AK9: variants seen among roughly 807,000 people sequenced by gnomAD.
AK9 encodes the protein adenylate kinase domain containing 1.
In AK9, 191 loss-of-function variants were observed where a neutral mutation model predicts 239.6. That is an observed-to-expected ratio of 0.80 (90% CI 0.71 to 0.90). AK9 has a LOEUF of 0.90. Ranked by LOEUF, AK9 falls within the 40% of genes least tolerant of loss-of-function variation. The probability of loss-of-function intolerance (pLI) is 0.00; values close to 1 mark genes in which losing one functional copy is unlikely to be tolerated. For missense variants in AK9, 1,995 were observed against 2,214.7 expected, an observed-to-expected ratio of 0.90 and a Z score of 1.99; for synonymous variants, 689 against 721.0, an observed-to-expected ratio of 0.96 and a Z score of 0.71.
At chr6:109,599,436 A>G (rs1304040928) in intron 17 of AK9, among the ~76,000 whole-genome samples, 4 of 152,046 alleles carry the variant, frequency 2.6e-5, no homozygotes, top group African/African-American at 4.8e-5. Context: ...TGGTCTATGT[A>G]TCTGTTTGGG....
intron 12 of AK9, chr6:109,632,332 T>G (rs964668747): frequency 1.0e-6 from 1 of 984,876 alleles, no homozygotes; most frequent in African/African-American, 1.7e-5. Flanking sequence ...TCAAGCCACA[T>G]TGCCCCTTCT....
intron 17 of AK9, among the ~76,000 whole-genome samples, chr6:109,597,107 C>T (rs182667793): frequency 9.1e-4 from 139 of 152,006 alleles, no homozygotes; most frequent in Non-Finnish European, 1.3e-3. Context: ...AAATCTTTGT[C>T]CAAATATTAT....
At chr6:109,557,950 G>A (rs933135397) in intron 24 of AK9, among the ~76,000 whole-genome samples, 9 of 152,250 alleles carry the variant, frequency 5.9e-5, no homozygotes, top group Admixed American at 5.9e-4. Context: ...ATCTAATAGT[G>A]TCTCATTGTG....
intron 7 of AK9, among the ~76,000 whole-genome samples, chr6:109,658,397 T>C (rs1004637942): frequency 6.6e-6 from 1 of 152,134 alleles, no homozygotes; most frequent in Non-Finnish European, 1.5e-5. Flanking sequence ...GGCAGACAGA[T>C]AATAAGCAAG....
Position 109,662,616 on chromosome 6 carries a change from T to A in AK9, c.379A>T (p.Thr127Ser). Residue 127 changes from threonine (T) to serine (S), a missense_variant, in exon 6 of 41, where the codon ACC (threonine) becomes TCC (serine). By Grantham distance (58) the Thr-to-Ser change is moderately conservative. Coordinates refer to ENST00000424296, the MANE Select transcript of AK9 (RefSeq NM_001145128.3). Reference protein sequence around the residue: ...IPSLSQDAMTTLQQIELIKNL... With the variant: ...IPSLSQDAMTSLQQIELIKNL... ...TTAATTAATTCTATTTGCTGTAAGGTAGTCATGGCATCCTGTGAAAGTGAT... is the reference window on the plus strand; with the variant it reads ...TTAATTAATTCTATTTGCTGTAAGGAAGTCATGGCATCCTGTGAAAGTGAT... The A allele has an allele frequency of 6.3e-7, 1 of 1,586,648 alleles. No homozygotes were observed.
chr6:109,688,736 A>G (rs542203076), intron 1 of AK9, among the ~76,000 whole-genome samples: 1 of 152,302 alleles, frequency 6.6e-6, no homozygotes, highest in East Asian at 1.9e-4. Flanking sequence ...GGGACCCAGT[A>G]AAGGTTTCAT....
chr6:109,658,959 C>T (rs1007301712), intron 7 of AK9, among the ~76,000 whole-genome samples: 7 of 152,078 alleles, frequency 4.6e-5, no homozygotes, highest in African/African-American at 1.7e-4. Flanking sequence ...CCAATAACTC[C>T]ATAGTTATGA....
intron 9 of AK9, among the ~76,000 whole-genome samples, chr6:109,643,676 T>A (rs138230242): frequency 1.5e-4 from 23 of 152,336 alleles, no homozygotes; most frequent in East Asian, 1.3e-3. Context: ...CTTACTATGG[T>A]TTACAAGGTC....
chr6:109,621,111 C>G (rs1476441446), intron 12 of AK9, among the ~76,000 whole-genome samples: 3 of 146,684 alleles, frequency 2.0e-5, no homozygotes, highest in African/African-American at 7.6e-5. Flanking sequence ...CAAAAGAAGA[C>G]ATTTATGCAG....
At chr6:109,574,698 T>C (rs1330438562) in intron 20 of AK9, among the ~76,000 whole-genome samples, 1 of 152,014 alleles carries the variant, frequency 6.6e-6, no homozygotes, top group African/African-American at 2.4e-5. Context: ...TTAACATCTG[T>C]CTTATCTTTT....
rs137899442 is a variant in AK9 at position 109,619,477 on chromosome 6, T to C, written c.1255-241A>G. ...GTCTATATATGTATTTATCATGTAG[T>C]ATATATATTCAGATTATGTATATAT... is the stretch of plus-strand genomic sequence containing the variant. On this transcript the variant is annotated intron_variant, in intron 12 of 40. Coordinates refer to ENST00000424296, the MANE Select transcript of AK9 (RefSeq NM_001145128.3). 5.6e-3 allele frequency among the ~76,000 whole-genome samples: 852 copies of C among 152,182 alleles called. 9 individuals carry two copies. Among genetic ancestry groups the C allele is most frequent in the African/African-American group, 0.02 (822 of 41,528 alleles).
Position 109,545,892 on chromosome 6 carries a change from A to G in AK9, c.3200T>C (p.Val1067Ala), listed in dbSNP as rs746543856. The G allele has an allele frequency of 2.5e-6, 4 of 1,599,556 alleles. No homozygotes were observed. The East Asian group carries it at 6.7e-5, about 27-fold the overall frequency. The change falls in exon 26 of 41, where the codon GTT becomes GCT. Residue 1067 changes from valine to alanine, a missense_variant. By Grantham distance (64) the Val-to-Ala change is moderately conservative (BLOSUM62 0). Around this residue, in one of 5 missense-constraint regions of AK9, gnomAD observed 1,290 missense variants for 1,392.7 expected, o/e 0.93. Transcript: ENST00000424296. Reference sequence around the variant, plus strand: ...CTGCTTTTTTGTATTTTCTTCCTCAACTTTGACATTGGCCTGAATTGCAAG... The same window carrying G: ...CTGCTTTTTTGTATTTTCTTCCTCAGCTTTGACATTGGCCTGAATTGCAAG... ...EELAIQANVK[V>A]EEENTKKQLP...
intron 10 of AK9, among the ~76,000 whole-genome samples, chr6:109,638,215 A>G (rs901196108): frequency 6.6e-6 from 1 of 152,178 alleles, no homozygotes; most frequent in Non-Finnish European, 1.5e-5. Context: ...CAGGTTTTAT[A>G]GATACTTTTT....
chr6:109,620,521 G>A (rs543363836), intron 12 of AK9, among the ~76,000 whole-genome samples: 164 of 152,144 alleles, frequency 1.1e-3, no homozygotes, highest in Admixed American at 1.9e-3. Flanking sequence ...TTGTCAGGTA[G>A]ATAATAGATT....
At chr6:109,644,987 A>G (rs1797861865) in intron 8 of AK9, among the ~76,000 whole-genome samples, 2 of 152,178 alleles carry the variant, frequency 1.3e-5, no homozygotes, top group Non-Finnish European at 1.5e-5. Context: ...TAGCTTTGCT[A>G]TTTGGTTTCT....
chr6:109,521,204 A>G (rs1267283100), intron 29 of AK9, among the ~76,000 whole-genome samples: 2 of 152,056 alleles, frequency 1.3e-5, no homozygotes, highest in Non-Finnish European at 2.9e-5. Flanking sequence ...TTTTCTATAG[A>G]AACCAGTTTA....
intron 33 of AK9, 113 bp from the exon 34 acceptor site, chr6:109,506,913 T>C (rs1562325844): frequency 7.2e-7 from 1 of 1,381,750 alleles, no homozygotes. Context: ...ATTTTCCTTA[T>C]GTAACTCAAT....
intron 9 of AK9, among the ~76,000 whole-genome samples, chr6:109,643,390 C>T (rs886970675): frequency 2.0e-5 from 3 of 152,220 alleles, no homozygotes; most frequent in Non-Finnish European, 4.4e-5. Context: ...TATTAAGTTA[C>T]TCACCAAGTC....
At chr6:109,659,654 A>T (rs1800167551) in intron 6 of AK9, among the ~76,000 whole-genome samples, 1 of 152,156 alleles carries the variant, frequency 6.6e-6, no homozygotes, top group South Asian at 2.1e-4. Flanking sequence ...AAAGTATTAC[A>T]AGTCTTAAGA....
Sources: gnomAD v4.1 joint callset for allele counts (sites outside exome capture counted in the v4.1 genomes callset) on GRCh38, gnomAD v4.1.1 for gene constraint, gnomAD v4.1.1 regional missense constraint, MANE v1.5 for transcripts, NCBI Gene and HGNC (gene_info 2026-07-23, HGNC 2026-07-21) for gene names.